CCDC181: variants seen among roughly 807,000 people sequenced by gnomAD.
CCDC181 encodes the protein coiled-coil domain containing 181.
CCDC181 carries 35 observed loss-of-function variants against 58.7 expected under a neutral mutation model. The observed-to-expected ratio is 0.60, with a 90% CI of 0.46 to 0.79. The LOEUF is 0.79. Among genes scored for constraint, CCDC181 ranks in the 30% least tolerant of loss-of-function variants. The probability of loss-of-function intolerance (pLI) is 0.00; values close to 1 mark genes in which losing one functional copy is unlikely to be tolerated. For synonymous variants in CCDC181, 183 were observed against 197.5 expected (o/e 0.93, Z 0.62); for missense variants, 517 against 583.9 (o/e 0.89, Z 1.18).
chr1:169,438,994 A>T (rs948555595), intron 2 of CCDC181, among the ~76,000 whole-genome samples: 1 of 152,138 alleles, frequency 6.6e-6, no homozygotes, highest in African/African-American at 2.4e-5. Flanking sequence ...AATCTTCCTG[A>T]TGGAGAAGTC....
At chr1:169,440,446 G>A (rs1303280663) in intron 2 of CCDC181, among the ~76,000 whole-genome samples, 1 of 152,232 alleles carries the variant, frequency 6.6e-6, no homozygotes, top group East Asian at 1.9e-4. Context: ...CTGTATGGGA[G>A]ACTGGAGTTT....
At chr1:169,438,639 G>A (rs1022830607) in intron 2 of CCDC181, among the ~76,000 whole-genome samples, 3 of 152,140 alleles carry the variant, frequency 2.0e-5, no homozygotes, top group African/African-American at 7.2e-5. Context: ...ACTTTCTCCT[G>A]TTGGTCCCTG....
chr1:169,448,172 T>C (rs1212409710), intron 2 of CCDC181, among the ~76,000 whole-genome samples: 1 of 152,172 alleles, frequency 6.6e-6, no homozygotes, highest in African/African-American at 2.4e-5. Context: ...ACTCCACTTA[T>C]CCATATGCTA....
Position 169,419,119 on chromosome 1 carries a change from CTCTT to C in CCDC181, c.1105_1108del (p.Lys369GlufsTer5). On this transcript the variant is annotated frameshift_variant, in exon 4 of 6. Coordinates refer to ENST00000367806, the MANE Select transcript of CCDC181 (RefSeq NM_001300969.2). LOFTEE classifies it high-confidence loss of function. ...CGCTTTAAATACTATGTCATTCTCT[CTCTT>C]TTTTTCTTTCTCTTCTTCTATTTTT... The C allele has an allele frequency of 6.2e-7, 1 of 1,608,548 alleles. No individual in the cohort carries two copies. Among genetic ancestry groups the C allele is most frequent in the Non-Finnish European group, 8.5e-7 (1 of 1,178,834 alleles).
At chr1:169,451,943 T>C (rs778310136) in intron 2 of CCDC181, among the ~76,000 whole-genome samples, 10 of 152,076 alleles carry the variant, frequency 6.6e-5, no homozygotes, top group Non-Finnish European at 1.5e-4. Flanking sequence ...ATGTTATGAT[T>C]AATTAAGCAA....
intron 1 of CCDC181, among the ~76,000 whole-genome samples, chr1:169,427,084 T>C (rs188318462): frequency 4.6e-5 from 7 of 152,200 alleles, no homozygotes; most frequent in Admixed American, 4.6e-4. Flanking sequence ...TCATACATAG[T>C]GAAGAAAGGT....
chr1:169,431,709 G>A (rs1656923912), upstream of CCDC181, among the ~76,000 whole-genome samples: 1 of 152,146 alleles, frequency 6.6e-6, no homozygotes, highest in South Asian at 2.1e-4. Flanking sequence ...CAGGCAGTCT[G>A]TATTACTTGC....
At chr1:169,445,875 C>T (rs1254714328) in intron 2 of CCDC181, among the ~76,000 whole-genome samples, 1 of 152,058 alleles carries the variant, frequency 6.6e-6, no homozygotes, top group East Asian at 1.9e-4. Flanking sequence ...GTTATCAAAT[C>T]TGTGTGCATA....
intron 2 of CCDC181, among the ~76,000 whole-genome samples, chr1:169,435,584 A>G (rs1371214724): frequency 6.6e-6 from 1 of 152,182 alleles, no homozygotes; most frequent in Non-Finnish European, 1.5e-5. Context: ...CATAGAGATC[A>G]TAATATTTGC....
At chr1:169,402,494 C>CCAA (rs1408701110) in intron 4 of CCDC181, among the ~76,000 whole-genome samples, 1 of 152,042 alleles carries the variant, frequency 6.6e-6, no homozygotes, top group Non-Finnish European at 1.5e-5. Flanking sequence ...AGAGTGGGGG[C>CCAA]CAATATTCAA....
intron 2 of CCDC181, among the ~76,000 whole-genome samples, chr1:169,457,551 G>A (rs1038450955): frequency 2.0e-5 from 3 of 152,068 alleles, no homozygotes; most frequent in Non-Finnish European, 4.4e-5. Context: ...ACAAACAAGA[G>A]TTAAGTTCCT....
chr1:169,425,667 T>C (rs148781928), intron 1 of CCDC181, among the ~76,000 whole-genome samples: 185 of 152,220 alleles, frequency 1.2e-3, no homozygotes, highest in African/African-American at 4.2e-3. Flanking sequence ...CCATGAATGA[T>C]ACAGAATAAA....
rs1003040587 is a variant in CCDC181, at chr1:169,437,154, G to A, written c.-23-12204C>T. Among the ~76,000 whole-genome samples, 7 of 152,250 alleles carry A rather than the reference G, an allele frequency of 4.6e-5. No homozygotes were observed. The South Asian group carries it at 1.0e-3, about 23-fold the overall frequency. On this transcript the variant is annotated intron_variant, in intron 2 of 6. Transcript: ENST00000545005. ...GTCAGAGATGTAATCATAGGGAGTC[G>A]AAGGTGTCTCCTTGCACTGAGTTCC...
chr1:169,455,040 G>A (rs1429300708), intron 2 of CCDC181, among the ~76,000 whole-genome samples: 1 of 151,670 alleles, frequency 6.6e-6, no homozygotes, highest in Non-Finnish European at 1.5e-5. Context: ...TTTTGCCACT[G>A]TATAACATTC....
chr1:169,458,061 T>C (rs1657726069), intron 2 of CCDC181, among the ~76,000 whole-genome samples: 1 of 152,134 alleles, frequency 6.6e-6, no homozygotes, highest in African/African-American at 2.4e-5. Flanking sequence ...TTCTGGCTTA[T>C]TCATTTTCAT....
intron 2 of CCDC181, among the ~76,000 whole-genome samples, chr1:169,450,510 A>G (rs1657507170): frequency 6.6e-6 from 1 of 152,228 alleles, no homozygotes; most frequent in Non-Finnish European, 1.5e-5. Context: ...ATCACAGAAT[A>G]GAATTCATTG....
chr1:169,438,518 A>G (rs912036075), intron 2 of CCDC181, among the ~76,000 whole-genome samples: 11 of 152,218 alleles, frequency 7.2e-5, no homozygotes, highest in Non-Finnish European at 1.0e-4. Context: ...ATGCTGCCCA[A>G]TGGTCTGCAT....
At chr1:169,406,814 C>CA (rs891613055) in intron 4 of CCDC181, among the ~76,000 whole-genome samples, 8 of 148,982 alleles carry the variant, frequency 5.4e-5, no homozygotes, top group South Asian at 2.1e-4. Context: ...AAACCCACCA[C>CA]AAAAAAAATA....
chr1:169,439,909 A>C (rs1375092055), intron 2 of CCDC181, among the ~76,000 whole-genome samples: 1 of 152,080 alleles, frequency 6.6e-6, no homozygotes, highest in East Asian at 1.9e-4. Context: ...CTCAACGTTC[A>C]GATGCTCCTT....
Sources: gnomAD v4.1 joint callset for allele counts (sites outside exome capture counted in the v4.1 genomes callset) on GRCh38, gnomAD v4.1.1 for gene constraint, MANE v1.5 for transcripts, NCBI Gene and HGNC (gene_info 2026-07-23, HGNC 2026-07-21) for gene names.